The following CHM variants were observed in gnomAD, a reference collection of about 807,000 sequenced individuals.
CHM encodes CHM Rab escort protein.
CHM carries 10 observed loss-of-function variants against 49.0 expected under a neutral mutation model. That is an observed-to-expected ratio of 0.20 (90% CI 0.13 to 0.35). The LOEUF is 0.35. Ranked by LOEUF, CHM falls within the 10% of genes least tolerant of loss-of-function variation. The probability of loss-of-function intolerance (pLI) is 1.00; values close to 1 mark genes in which losing one functional copy is unlikely to be tolerated. For synonymous variants in CHM, 184 were observed against 167.5 expected (o/e 1.10, Z -0.76); for missense variants, 455 against 478.4 (o/e 0.95, Z 0.46).
intron 8 of CHM, among the ~76,000 whole-genome samples, chrX:85,920,601 C>T (rs1342608761): frequency 1.8e-5 from 2 of 112,382 alleles, no homozygotes; most frequent in Non-Finnish European, 1.9e-5. Context: ...GCATTGAGTG[C>T]TTACTACACA....
chrX:86,032,162 A>G (rs1934068491), intron 1 of CHM, among the ~76,000 whole-genome samples: 1 of 112,361 alleles, frequency 8.9e-6, no homozygotes, highest in African/African-American at 3.2e-5. Flanking sequence ...TGAAACATGT[A>G]CGTGCTTATT....
At chrX:85,896,781 G>A (rs1483190631) in intron 11 of CHM, among the ~76,000 whole-genome samples, 1 of 103,046 alleles carries the variant, frequency 9.7e-6, no homozygotes, top group Non-Finnish European at 2.0e-5. Context: ...GGGAACCAAA[G>A]GGCAGTTTCA....
At chrX:86,046,208 T>C in intron 1 of CHM, among the ~76,000 whole-genome samples, 1 of 112,389 alleles carries the variant, frequency 8.9e-6, no homozygotes, top group East Asian at 2.8e-4. Context: ...CCAAGTTTTC[T>C]CAATTGTTTC....
intron 8 of CHM, among the ~76,000 whole-genome samples, chrX:85,913,818 T>A (rs1035999419): frequency 9.1e-6 from 1 of 110,256 alleles, no homozygotes; most frequent in African/African-American, 3.3e-5. Context: ...GATGGCACAC[T>A]AGACACAGCC....
At chrX:85,872,658 TTGAC>T (rs961850777) in intron 14 of CHM, among the ~76,000 whole-genome samples, 4 of 112,482 alleles carry the variant, frequency 3.6e-5, no homozygotes, top group African/African-American at 1.3e-4. Context: ...TACAACCTTC[TTGAC>T]TGTTTACCAA....
At chrX:85,907,369 C>T (rs1450590635) in intron 9 of CHM, among the ~76,000 whole-genome samples, 1 of 111,592 alleles carries the variant, frequency 9.0e-6, no homozygotes. Flanking sequence ...ATATCAAATA[C>T]TATACTACTA....
chrX:85,897,952 C>G (rs949423568), intron 11 of CHM, among the ~76,000 whole-genome samples: 3 of 110,460 alleles, frequency 2.7e-5, no homozygotes, highest in Non-Finnish European at 5.7e-5. Flanking sequence ...GGGTCTAGCA[C>G]AGGGAAAAGG....
chrX:85,923,176 A>G (rs1927891063), intron 8 of CHM, among the ~76,000 whole-genome samples: 1 of 112,419 alleles, frequency 8.9e-6, no homozygotes, highest in Admixed American at 9.4e-5. Flanking sequence ...GCTGTGTGAC[A>G]GTGCTTCAGT....
intron 8 of CHM, among the ~76,000 whole-genome samples, chrX:85,936,328 T>C (rs1247909312): frequency 8.9e-6 from 1 of 112,305 alleles, no homozygotes; most frequent in African/African-American, 3.2e-5. Flanking sequence ...ATGCAACTTT[T>C]ATGTAATAAT....
intron 9 of CHM, among the ~76,000 whole-genome samples, chrX:85,902,778 G>A (rs916024134): frequency 1.8e-5 from 2 of 111,980 alleles, no homozygotes; most frequent in East Asian, 5.6e-4. Flanking sequence ...TCAGGCAATT[G>A]AGAAGAGAAA....
intron 2 of CHM, among the ~76,000 whole-genome samples, chrX:86,013,564 G>A (rs912016778): frequency 5.5e-5 from 6 of 109,611 alleles, no homozygotes; most frequent in Middle Eastern, 4.7e-3. Flanking sequence ...TTGAAACCCC[G>A]TCTCTACTAA....
chrX:85,897,564 G>A lies in CHM; in HGVS notation c.1413+3082C>T, dbSNP rs191134627. Among the ~76,000 whole-genome samples, 415 of 110,277 alleles carry A rather than the reference G, an allele frequency of 3.8e-3. 1 individual carries two copies. Among genetic ancestry groups the A allele is most frequent in the African/African-American group, 0.012 (365 of 30,259 alleles). On this transcript the variant is annotated intron_variant, in intron 11 of 14. Transcript: ENST00000357749. ...CAAGGACTACTGCGCGTGGTGGACA[G>A]CCTCACTATTTTCAGCGAAGCAAGG...
At chrX:85,936,359 A>G (rs951937599) in intron 8 of CHM, among the ~76,000 whole-genome samples, 1 of 112,037 alleles carries the variant, frequency 8.9e-6, no homozygotes, top group Admixed American at 9.5e-5. Flanking sequence ...AGTGTGGGAT[A>G]AAATTCAACA....
intron 4 of CHM, among the ~76,000 whole-genome samples, chrX:85,977,660 G>A (rs1931351384): frequency 8.9e-6 from 1 of 112,154 alleles, no homozygotes; most frequent in South Asian, 3.7e-4. Context: ...TTTCGTTAAA[G>A]CATATGTCTT....
chrX:85,906,453 C>G (rs775497310), intron 9 of CHM, among the ~76,000 whole-genome samples: 3 of 111,764 alleles, frequency 2.7e-5, no homozygotes, highest in Non-Finnish European at 3.8e-5. Flanking sequence ...TTAGTTAATA[C>G]TTATAATAAC....
At chrX:85,914,878 A>G (rs1927356050) in intron 8 of CHM, among the ~76,000 whole-genome samples, 1 of 110,995 alleles carries the variant, frequency 9.0e-6, no homozygotes, top group Non-Finnish European at 1.9e-5. Flanking sequence ...TCAATAAACC[A>G]GAACAAAGTA....
intron 1 of CHM, among the ~76,000 whole-genome samples, chrX:86,030,627 A>T (rs1260038470): frequency 9.0e-6 from 1 of 111,503 alleles, no homozygotes; most frequent in Admixed American, 9.5e-5. Context: ...AGAGATTAAA[A>T]TAATAAGTGT....
At chrX:85,933,163 G>A (rs1447903815) in intron 8 of CHM, among the ~76,000 whole-genome samples, 2 of 110,491 alleles carry the variant, frequency 1.8e-5, no homozygotes, top group African/African-American at 6.6e-5. Flanking sequence ...CACCAAGATC[G>A]CACCTCTGAA....
intron 2 of CHM, among the ~76,000 whole-genome samples, chrX:85,995,618 T>C (rs1932405069): frequency 8.9e-6 from 1 of 112,380 alleles, no homozygotes; most frequent in Non-Finnish European, 1.9e-5. Context: ...GGACAAGTTA[T>C]TTCAATTCTC....
Sources: gnomAD v4.1 joint callset for allele counts (sites outside exome capture counted in the v4.1 genomes callset) on GRCh38, gnomAD v4.1.1 for gene constraint, MANE v1.5 for transcripts, NCBI Gene and HGNC (gene_info 2026-07-23, HGNC 2026-07-21) for gene names.